Variants in AMIGO1 observed in about 807,000 individuals in gnomAD.
AMIGO1 encodes adhesion molecule with Ig like domain 1, also known as amphoterin-induced protein 1.
For missense variants in AMIGO1, 361 were observed against 612.3 expected, an observed-to-expected ratio of 0.59 and a Z score of 4.33; for synonymous variants, 249 against 266.3, an observed-to-expected ratio of 0.93 and a Z score of 0.63.
At position 109,508,448 on chromosome 1, in the gene AMIGO1, A is replaced by T; in HGVS notation, c.465T>A (p.Asp155Glu). Residue 155 changes from aspartate to glutamate, a missense_variant, in exon 2 of 2, where the codon GAT becomes GAA. Asp to Glu is a conservative substitution (Grantham distance 45). Coordinates refer to ENST00000369864, the MANE Select transcript of AMIGO1 (RefSeq NM_020703.4). The surrounding 1 kb of genome is among the most constrained non-coding windows in gnomAD (Gnocchi z 7.8). ...HIMAVDRCAF[D>E]DMAQLQKLYL... is the part of the protein sequence containing the mutation. ...AGAGTTTCTGCAGCTGGGCCATGTC[A>T]TCGAAGGCGCACCGGTCCACCGCCA... is the stretch of plus-strand genomic sequence containing the variant. The T allele has an allele frequency of 6.2e-7, 1 of 1,614,098 alleles. No homozygotes were observed. The highest frequency in any genetic ancestry group is 8.5e-7 in the Non-Finnish European group (1 of 1,180,012).
rs138188024 is a variant in AMIGO1, at chr1:109,508,462, G to T, written c.451C>A (p.Arg151=). The change falls in exon 2 of 2, where the codon CGG becomes AGG. Residue 151 remains arginine, a synonymous_variant. Transcript: ENST00000369864. The surrounding 1 kb of genome is among the most constrained non-coding windows in gnomAD (Gnocchi z 7.8). ...TGGGCCATGTCATCGAAGGCGCACCGGTCCACCGCCATGATGTGGTTATTG... is the reference window on the plus strand; with the variant it reads ...TGGGCCATGTCATCGAAGGCGCACCTGTCCACCGCCATGATGTGGTTATTG... The part of the protein sequence containing the change: ...LYNNHIMAVD[R]CAFDDMAQLQ... 3.2e-5 allele frequency: 52 copies of T among 1,613,978 alleles called. No individual in the cohort carries two copies. Among genetic ancestry groups the T allele is most frequent in the African/African-American group, 5.3e-5 (4 of 74,882 alleles).
rs2101060668 is a variant in AMIGO1 at position 109,508,732 on chromosome 1, T to C, written c.181A>G (p.Ser61Gly). 1 of 1,613,968 alleles carries C rather than the reference T, an allele frequency of 6.2e-7. No homozygotes were observed. The highest frequency in any genetic ancestry group is 8.5e-7 in the Non-Finnish European group (1 of 1,179,942). ...QLPNVPHSLP[S>G]YTALLDLSHN... ...CTGAGGTCCAGTAGTGCTGTGTAAC[T>C]GGGCAAGGAATGGGGCACATTGGGC... Residue 61 changes from serine (S) to glycine (G), a missense_variant, in exon 2 of 2, where the codon AGT becomes GGT. Ser to Gly is a moderately conservative substitution (Grantham distance 56). Transcript: ENST00000369864. This position sits in a 1 kb window ranked among gnomAD's most constrained non-coding sequence, Gnocchi z 7.8.
Position 109,507,286 on chromosome 1 carries a change from GCT to G in AMIGO1, c.*143_*144del, listed in dbSNP as rs1658048029. 3.4e-6 allele frequency: 4 copies of G among 1,179,920 alleles called. No homozygotes were observed. Among genetic ancestry groups the G allele is most frequent in the Admixed American group, 2.6e-5 (1 of 38,934 alleles). 73.1% of individuals were successfully genotyped at this position (1,179,920 alleles called of 1,614,324 possible). ...GCAGCCACGCCCTGTTTGGGGTCTT[GCT>G]CTCTGTTGTACCTGGGACCAATTCC... is the stretch of plus-strand genomic sequence containing the variant. On this transcript the variant is annotated 3_prime_UTR_variant, in exon 2 of 2. Transcript: ENST00000369864. This position sits in a 1 kb window ranked among gnomAD's most constrained non-coding sequence, Gnocchi z 4.7.
At chr1:109,509,023 G>A (rs1336182026) in intron 1 of AMIGO1, 24 bp from the exon 2 acceptor site, 6 of 1,290,224 alleles carry the variant, frequency 4.7e-6, no homozygotes, top group African/African-American at 1.5e-5. Flanking sequence ...GGATGGGTTT[G>A]TGGTCACCAA....
chr1:109,508,590 G>C lies in AMIGO1; in HGVS notation c.323C>G (p.Pro108Arg), dbSNP rs376002984. The C allele has an allele frequency of 3.1e-6, 5 of 1,614,124 alleles. No individual in the cohort carries two copies. The highest frequency in any genetic ancestry group is 1.3e-5 in the African/African-American group (1 of 75,022). ...LNFISSEAFS[P>R]VPNLRYLDLS... ...GTCCAGGTAGCGCAGGTTGGGTACC[G>C]GGGAAAAGGCCTCAGAGGAGATGAA... The change falls in exon 2 of 2, where the codon CCG becomes CGG. Residue 108 changes from proline (P) to arginine (R), a missense_variant. Pro to Arg is a moderately radical substitution (Grantham distance 103). Coordinates refer to ENST00000369864, the MANE Select transcript of AMIGO1 (RefSeq NM_020703.4). This position sits in a 1 kb window ranked among gnomAD's most constrained non-coding sequence, Gnocchi z 7.8.
At position 109,508,193 on chromosome 1, in the gene AMIGO1, C is replaced by T; in HGVS notation, c.720G>A (p.Gln240=). The change falls in exon 2 of 2, where the codon CAG becomes CAA. Residue 240 remains glutamine, a synonymous_variant. Transcript: ENST00000369864. This position sits in a 1 kb window ranked among gnomAD's most constrained non-coding sequence, Gnocchi z 7.8. ...CTTGAAAGTCCATCACGGAGCTCAGCTGCCGATACTGCCAGTGTGAAAACA... is the reference window on the plus strand; with the variant it reads ...CTTGAAAGTCCATCACGGAGCTCAGTTGCCGATACTGCCAGTGTGAAAACA... ...YQLFSHWQYR[Q]LSSVMDFQED... 6.2e-7 allele frequency: 1 copy of T among 1,614,124 alleles called. No homozygotes were observed. The highest frequency in any genetic ancestry group is 8.5e-7 in the Non-Finnish European group (1 of 1,180,046).
chr1:109,509,666 T>C lies in AMIGO1; in HGVS notation c.-334A>G, dbSNP rs1658121816. The C allele has an allele frequency of 6.6e-6, 1 of 151,166 alleles. No individual in the cohort carries two copies. Among genetic ancestry groups the C allele is most frequent in the African/African-American group, 2.4e-5 (1 of 41,318 alleles). The allele number at this position is 151,166 out of a possible 1,614,324, so 9.4% of individuals were successfully genotyped here. ...TCCAGGTCCGCAGGCCTGGCGCGGA[T>C]CGGTGCGGGGAGCCGGAGGCGCAGC... On this transcript the variant is annotated 5_prime_UTR_variant, in exon 1 of 2. Coordinates refer to ENST00000369864, the MANE Select transcript of AMIGO1 (RefSeq NM_020703.4).
In AMIGO1 at chr1:109,507,482, C is replaced by T. The variant is rs761868421; in HGVS notation, c.1431G>A (p.Ser477=). The change falls in exon 2 of 2, where the codon TCG becomes TCA. Residue 477 remains serine, a synonymous_variant. Transcript: ENST00000369864. This position sits in a 1 kb window ranked among gnomAD's most constrained non-coding sequence, Gnocchi z 4.7. ...EATGKGQRRM[S]DPESVSSVFS... is the part of the protein sequence containing the mutation. ...AGACCGAGCTGACTGATTCTGGATC[C>T]GACATCCTCCGTTGGCCCTTGCCTG... 1.7e-5 allele frequency: 28 copies of T among 1,613,310 alleles called. No homozygotes were observed. The highest frequency in any genetic ancestry group is 3.3e-5 in the Admixed American group (2 of 59,976).
In AMIGO1 at chr1:109,506,069, T is replaced by A. The variant is rs1243050181; in HGVS notation, c.*1362A>T. On this transcript the variant is annotated 3_prime_UTR_variant, in exon 2 of 2. Coordinates refer to ENST00000369864, the MANE Select transcript of AMIGO1 (RefSeq NM_020703.4). ...GAGGAATGGGGTGGCAGAACTCCCCTTCTGAAAGTTTAGTACTACTGATTA... is the reference window on the plus strand; with the variant it reads ...GAGGAATGGGGTGGCAGAACTCCCCATCTGAAAGTTTAGTACTACTGATTA... 6.6e-6 allele frequency: 1 copy of A among 152,202 alleles called. No individual in the cohort carries two copies. The highest frequency in any genetic ancestry group is 1.5e-5 in the Non-Finnish European group (1 of 68,042). The allele number at this position is 152,202 out of a possible 1,614,324, so 9.4% of individuals were successfully genotyped here.
Position 109,507,354 on chromosome 1 carries a change from C to A in AMIGO1, c.*77G>T. On this transcript the variant is annotated 3_prime_UTR_variant, in exon 2 of 2. Transcript: ENST00000369864. The surrounding 1 kb of genome is among the most constrained non-coding windows in gnomAD (Gnocchi z 4.7). ...AATCCATTCCCTTGGGCAGCCAGCC[C>A]TCTCTTCCATCCCCTCATATCCTTC... The A allele has an allele frequency of 3.3e-6, 5 of 1,517,152 alleles. No individual in the cohort carries two copies. Among genetic ancestry groups the A allele is most frequent in the Non-Finnish European group, 4.4e-6 (5 of 1,130,668 alleles). 94.0% of individuals were successfully genotyped at this position (1,517,152 alleles called of 1,614,324 possible).
intron 1 of AMIGO1, 123 bp downstream of exon 1, chr1:109,509,297 C>CT: frequency 4.6e-6 from 1 of 217,330 alleles, no homozygotes; most frequent in Non-Finnish European, 9.3e-6. Flanking sequence ...GTCGGTGTGC[C>CT]TTTTGGGAGG....
rs567630094 is a variant in AMIGO1, at chr1:109,509,256, A to G, written c.-88+164T>C. On this transcript the variant is annotated intron_variant, in intron 1 of 1. Transcript: ENST00000369864. ...GATGGCAGGGACTGCTGGGAGTCACAGGGATGGCACGGGCAGGGTTTGGAG... is the reference window on the plus strand; with the variant it reads ...GATGGCAGGGACTGCTGGGAGTCACGGGGATGGCACGGGCAGGGTTTGGAG... Among the ~76,000 whole-genome samples, 4 of 152,226 alleles carry G rather than the reference A, an allele frequency of 2.6e-5. No individual in the cohort carries two copies. In the East Asian group the frequency reaches 7.8e-4, roughly 30 times the overall value.
Position 109,507,185 on chromosome 1 carries a change from A to G in AMIGO1, c.*246T>C. On this transcript the variant is annotated 3_prime_UTR_variant, in exon 2 of 2. Coordinates refer to ENST00000369864, the MANE Select transcript of AMIGO1 (RefSeq NM_020703.4). The surrounding 1 kb of genome is among the most constrained non-coding windows in gnomAD (Gnocchi z 4.7). The stretch of plus-strand genomic sequence containing the variant: ...AGACATGCTTCTCTTCCTCTACCAC[A>G]CTGAGAATTGGCAGGGCTTTGGGTA... The G allele has an allele frequency of 2.1e-6, 1 of 479,984 alleles. No individual in the cohort carries two copies. Among genetic ancestry groups the G allele is most frequent in the Non-Finnish European group, 3.7e-6 (1 of 271,062 alleles). 29.7% of individuals were successfully genotyped at this position (479,984 alleles called of 1,614,324 possible). A position where few individuals can be genotyped will look rare whatever the true frequency, so the allele number is the denominator to read the frequency against.
chr1:109,507,620 C>T lies in AMIGO1; in HGVS notation c.1293G>A (p.Gly431=). The T allele has an allele frequency of 6.2e-7, 1 of 1,614,130 alleles. No individual in the cohort carries two copies. The change falls in exon 2 of 2, where the codon GGG becomes GGA. Residue 431 remains glycine, a synonymous_variant. Coordinates refer to ENST00000369864, the MANE Select transcript of AMIGO1 (RefSeq NM_020703.4). This position sits in a 1 kb window ranked among gnomAD's most constrained non-coding sequence, Gnocchi z 4.7. The part of the protein sequence containing the change: ...TTPNHDPMAG[G]DKDDGFDRRV... ...GCCGGTCAAAACCATCATCTTTGTC[C>T]CCACCAGCCATAGGATCATGGTTGG...
In AMIGO1 at chr1:109,507,577, G is replaced by A. The variant is rs774251914; in HGVS notation, c.1336C>T (p.Pro446Ser). The change falls in exon 2 of 2, where the codon CCT becomes TCT. Residue 446 changes from proline to serine, a missense_variant. By Grantham distance (74) the Pro-to-Ser change is moderately conservative. Coordinates refer to ENST00000369864, the MANE Select transcript of AMIGO1 (RefSeq NM_020703.4). This position sits in a 1 kb window ranked among gnomAD's most constrained non-coding sequence, Gnocchi z 4.7. ...TTTTGACCCTGCCCAGGTCCAGCAG[G>A]TTCCAGGAAAGCCACCCGCCGGTCA... ...GFDRRVAFLE[P>S]AGPGQGQNGK... 5 of 1,613,948 alleles carry A rather than the reference G, an allele frequency of 3.1e-6. No individual in the cohort carries two copies. Among genetic ancestry groups the A allele is most frequent in the South Asian group, 1.1e-5 (1 of 91,076 alleles).
Position 109,507,711 on chromosome 1 carries a change from C to G in AMIGO1, c.1202G>C (p.Arg401Pro), listed in dbSNP as rs766539441. ...LYLTPCRCWC[R>P]GVEKPSSHQG... ...ATGGCTGGAAGGCTTCTCTACACCC[C>G]GGCACCAGCAGCGGCAAGGGGTGAG... is the stretch of plus-strand genomic sequence containing the variant. Residue 401 changes from arginine to proline, a missense_variant, in exon 2 of 2, where the codon CGG becomes CCG. Arg to Pro is a moderately radical substitution (Grantham distance 103). Coordinates refer to ENST00000369864, the MANE Select transcript of AMIGO1 (RefSeq NM_020703.4). This position sits in a 1 kb window ranked among gnomAD's most constrained non-coding sequence, Gnocchi z 4.7. The G allele has an allele frequency of 1.2e-6, 2 of 1,614,118 alleles. No individual in the cohort carries two copies. Among genetic ancestry groups the G allele is most frequent in the Non-Finnish European group, 1.7e-6 (2 of 1,180,026 alleles).
chr1:109,507,929 G>A lies in AMIGO1; in HGVS notation c.984C>T (p.Phe328=), dbSNP rs1658066004. 1 of 1,614,032 alleles carries A rather than the reference G, an allele frequency of 6.2e-7. No individual in the cohort carries two copies. The highest frequency in any genetic ancestry group is 8.5e-7 in the Non-Finnish European group (1 of 1,180,040). The change falls in exon 2 of 2, where the codon TTC becomes TTT. Residue 328 remains phenylalanine (F), a synonymous_variant. Transcript: ENST00000369864. This position sits in a 1 kb window ranked among gnomAD's most constrained non-coding sequence, Gnocchi z 4.7. ...CACCGTCCTCGACCTGCACCTGCTGGAAAAGAAGACTGCCATCCTTAGACA... is the reference window on the plus strand; with the variant it reads ...CACCGTCCTCGACCTGCACCTGCTGAAAAAGAAGACTGCCATCCTTAGACA... The part of the protein sequence containing the change: ...VSVSKDGSLL[F]QQVQVEDGGV...
chr1:109,508,110 A>C lies in AMIGO1; in HGVS notation c.803T>G (p.Leu268Arg). 6.2e-7 allele frequency: 1 copy of C among 1,614,190 alleles called. No individual in the cohort carries two copies. Among genetic ancestry groups the C allele is most frequent in the Non-Finnish European group, 8.5e-7 (1 of 1,180,034 alleles). Residue 268 changes from leucine to arginine, a missense_variant, in exon 2 of 2, where the codon CTC (leucine) becomes CGC (arginine). Transcript: ENST00000369864. The surrounding 1 kb of genome is among the most constrained non-coding windows in gnomAD (Gnocchi z 7.8). ...KLHNVFNLSFLNCGEYKERAW... is the reference protein window; with the variant it reads ...KLHNVFNLSFRNCGEYKERAW... Reference sequence around the variant, plus strand: ...ACGCTCCTTGTACTCGCCACAGTTGAGGAAACTCAGGTTGAAGACATTGTG... The same window carrying C: ...ACGCTCCTTGTACTCGCCACAGTTGCGGAAACTCAGGTTGAAGACATTGTG...
In AMIGO1 at chr1:109,507,376, C is replaced by T. The variant is rs1658050506; in HGVS notation, c.*55G>A. On this transcript the variant is annotated 3_prime_UTR_variant, in exon 2 of 2. Transcript: ENST00000369864. This position sits in a 1 kb window ranked among gnomAD's most constrained non-coding sequence, Gnocchi z 4.7. ...GCCCTCTCTTCCATCCCCTCATATC[C>T]TTCAGGGGTGCATTACCTCTCCTGG... 1 of 1,543,638 alleles carries T rather than the reference C, an allele frequency of 6.5e-7. No individual in the cohort carries two copies. The highest frequency in any genetic ancestry group is 8.8e-7 in the Non-Finnish European group (1 of 1,142,418).
Sources: allele counts gnomAD v4.1 joint callset (sites outside exome capture counted in the v4.1 genomes callset), GRCh38; gene constraint gnomAD v4.1.1; non-coding constraint Gnocchi (gnomAD v3.1); transcripts MANE v1.5; gene names NCBI Gene and HGNC (gene_info 2026-07-23, HGNC 2026-07-21).